SLC17A6: variants seen among roughly 807,000 people sequenced by gnomAD.
SLC17A6 encodes solute carrier family 17 member 6.
In SLC17A6, 35 loss-of-function variants were observed where a neutral mutation model predicts 67.1. The observed-to-expected ratio is 0.52, with a 90% CI of 0.40 to 0.69. SLC17A6 has a LOEUF of 0.69. Ranked by LOEUF, SLC17A6 falls within the 30% of genes least tolerant of loss-of-function variation. The pLI is 0.00. For synonymous variants in SLC17A6, 285 were observed against 252.3 expected (o/e 1.13, Z -1.23); for missense variants, 588 against 723.9 (o/e 0.81, Z 2.15).
intron 3 of SLC17A6, among the ~76,000 whole-genome samples, chr11:22,351,827 C>A (rs1183587336): frequency 6.6e-6 from 1 of 152,014 alleles, no homozygotes; most frequent in Non-Finnish European, 1.5e-5. Flanking sequence ...ATTTTCAGGG[C>A]AGTAGTGCTG....
rs551243723 is a variant in SLC17A6, at chr11:22,355,019, A to C, written c.459-4394A>C. ...ACAGTAATCCTAAGAGATACAACACATTAGTATTATTATCATGCAAGTTCC... is the reference window on the plus strand; with the variant it reads ...ACAGTAATCCTAAGAGATACAACACCTTAGTATTATTATCATGCAAGTTCC... On this transcript the variant is annotated intron_variant, in intron 3 of 11. Coordinates refer to ENST00000263160, the MANE Select transcript of SLC17A6 (RefSeq NM_020346.3). Among the ~76,000 whole-genome samples the C allele has an allele frequency of 2.0e-5, 3 of 152,318 alleles. No individual in the cohort carries two copies. The South Asian group carries it at 6.2e-4, about 32-fold the overall frequency.
intron 7 of SLC17A6, among the ~76,000 whole-genome samples, 184 bp downstream of exon 7, chr11:22,365,873 A>AT (rs1341359041): frequency 1.3e-5 from 2 of 151,956 alleles, no homozygotes; most frequent in South Asian, 2.1e-4. Flanking sequence ...TCTGTCATTT[A>AT]TTTTTTTCCT....
rs569897411 is a variant in SLC17A6 at position 22,342,899 on chromosome 11, C to A, written c.340-348C>A. ...ATTCGTTAAGTGGACCCCTGACAGG[C>A]GTCTCCACATCTGGCTAACAAATCT... On this transcript the variant is annotated intron_variant, in intron 2 of 11. Coordinates refer to ENST00000263160, the MANE Select transcript of SLC17A6 (RefSeq NM_020346.3). 18 of 469,524 alleles carry A rather than the reference C, an allele frequency of 3.8e-5. No homozygotes were observed. In the East Asian group the frequency reaches 1.1e-3, roughly 29 times the overall value. 29.1% of individuals were successfully genotyped at this position (469,524 alleles called of 1,614,324 possible).
chr11:22,357,757 AC>A, intron 3 of SLC17A6, among the ~76,000 whole-genome samples: 1 of 152,336 alleles, frequency 6.6e-6, no homozygotes, highest in South Asian at 2.1e-4. Flanking sequence ...AAAATAAGAC[AC>A]ACATATTAGC....
In SLC17A6 at chr11:22,373,596, A is replaced by G. The variant is rs1034551816; in HGVS notation, c.1042-1159A>G. 5.3e-5 allele frequency among the ~76,000 whole-genome samples: 8 copies of G among 152,178 alleles called. No homozygotes were observed. The East Asian group carries it at 1.3e-3, about 26-fold the overall frequency. ...TGATTTTATTTGATTTTTCCTTCTCATGGCAGTGGTGCTCAGCATAAAGGC... is the reference window on the plus strand; with the variant it reads ...TGATTTTATTTGATTTTTCCTTCTCGTGGCAGTGGTGCTCAGCATAAAGGC... On this transcript the variant is annotated intron_variant, in intron 8 of 11. Transcript: ENST00000263160.
chr11:22,340,525 G>A (rs192792424), intron 1 of SLC17A6, among the ~76,000 whole-genome samples: 11 of 152,288 alleles, frequency 7.2e-5, no homozygotes, highest in African/African-American at 2.6e-4. Context: ...AAATATTTAA[G>A]TGAGATCTTC....
At chr11:22,375,785 G>C (rs1211943876) in intron 9 of SLC17A6, among the ~76,000 whole-genome samples, 197 bp from the exon 10 acceptor site, 4 of 152,114 alleles carry the variant, frequency 2.6e-5, no homozygotes, top group African/African-American at 9.7e-5. Context: ...TGGCCTGGAT[G>C]TTTTTATTAA....
chr11:22,377,584 T>A lies in SLC17A6; in HGVS notation c.1593T>A (p.Ile531=). ...AACTCGATGAAGAAACAGGGGACAT[T>A]ACTCAAAATTATATAAATTATGGTA... is the stretch of plus-strand genomic sequence containing the variant. ...EDELDEETGD[I]TQNYINYGTT... is the part of the protein sequence containing the mutation. The change falls in exon 12 of 12, where the codon ATT becomes ATA. Residue 531 remains isoleucine (I), a synonymous_variant. Transcript: ENST00000263160. The A allele has an allele frequency of 6.2e-7, 1 of 1,614,146 alleles. No homozygotes were observed. Among genetic ancestry groups the A allele is most frequent in the South Asian group, 1.1e-5 (1 of 91,080 alleles).
At chr11:22,365,778 C>A in intron 7 of SLC17A6, 89 bp downstream of exon 7, 2 of 1,381,320 alleles carry the variant, frequency 1.4e-6, no homozygotes, top group Non-Finnish European at 2.0e-6. Context: ...TCTTCCTCAG[C>A]AAAACTAATT....
intron 7 of SLC17A6, among the ~76,000 whole-genome samples, chr11:22,366,718 G>A (rs571808553): frequency 6.6e-5 from 10 of 152,180 alleles, no homozygotes; most frequent in African/African-American, 1.4e-4. Context: ...GTGGCTGGGC[G>A]TCGTGGCTGG....
At chr11:22,358,941 T>C (rs1856019133) in intron 3 of SLC17A6, among the ~76,000 whole-genome samples, 1 of 152,198 alleles carries the variant, frequency 6.6e-6, no homozygotes, top group Non-Finnish European at 1.5e-5. Context: ...AGTAGTTGCA[T>C]AATGTGAGGA....
chr11:22,358,589 C>T (rs999670682), intron 3 of SLC17A6, among the ~76,000 whole-genome samples: 7 of 152,150 alleles, frequency 4.6e-5, no homozygotes, highest in Admixed American at 1.3e-4. Context: ...CTCGGCCTCC[C>T]GAAGAAGTGC....
chr11:22,352,985 C>T (rs944933026), intron 3 of SLC17A6, among the ~76,000 whole-genome samples: 8 of 152,272 alleles, frequency 5.3e-5, no homozygotes, highest in South Asian at 2.1e-4. Flanking sequence ...ATGAAAGCTG[C>T]TAGAATTTCA....
At position 22,378,852 on chromosome 11, in the gene SLC17A6, A is replaced by G. The variant is rs1190421085; in HGVS notation, c.*1112A>G. ...ATATTAAAATGGTCTCTCTCTATAT[A>G]TATCTGTATATCTTATACATGTCCA... On this transcript the variant is annotated 3_prime_UTR_variant, in exon 12 of 12. Transcript: ENST00000263160. 6.6e-6 allele frequency: 1 copy of G among 152,092 alleles called. No individual in the cohort carries two copies. Among genetic ancestry groups the G allele is most frequent in the Non-Finnish European group, 1.5e-5 (1 of 67,966 alleles). The allele number at this position is 152,092 out of a possible 1,614,324, so 9.4% of individuals were successfully genotyped here.
intron 10 of SLC17A6, 127 bp from the exon 11 acceptor site, chr11:22,376,418 T>C (rs1023728724): frequency 3.0e-6 from 3 of 1,016,760 alleles, no homozygotes; most frequent in Admixed American, 4.8e-5. Flanking sequence ...AGAGAAATTA[T>C]CACAAAGTAA....
chr11:22,364,149 G>C (rs74371101), intron 6 of SLC17A6, among the ~76,000 whole-genome samples: 4,151 of 152,082 alleles, frequency 0.027, 194 homozygotes, highest in African/African-American at 0.093. Context: ...ATTTGGTCTG[G>C]AGTCACACAT....
chr11:22,350,242 C>T (rs1385921669), intron 3 of SLC17A6, among the ~76,000 whole-genome samples: 1 of 152,130 alleles, frequency 6.6e-6, no homozygotes, highest in Admixed American at 6.6e-5. Flanking sequence ...ATTACTATTA[C>T]ACCTCTTGAT....
intron 3 of SLC17A6, among the ~76,000 whole-genome samples, chr11:22,347,240 G>A (rs1208305574): frequency 1.4e-5 from 2 of 139,998 alleles, no homozygotes; most frequent in Non-Finnish European, 3.1e-5. Context: ...AGGTGTTTGG[G>A]GATTAAAAAA....
intron 3 of SLC17A6, among the ~76,000 whole-genome samples, chr11:22,350,194 G>C (rs1445316619): frequency 6.6e-6 from 1 of 152,164 alleles, no homozygotes; most frequent in African/African-American, 2.4e-5. Flanking sequence ...CAGGTTTTCA[G>C]CAGCTGCATT....
Sources: allele counts gnomAD v4.1 joint callset (sites outside exome capture counted in the v4.1 genomes callset), GRCh38; gene constraint gnomAD v4.1.1; transcripts MANE v1.5; gene names NCBI Gene and HGNC (gene_info 2026-07-23, HGNC 2026-07-21).